The following ADGRG7 variants were observed in gnomAD, a reference collection of about 807,000 sequenced individuals.
The protein encoded by ADGRG7 is G-protein coupled receptor 128.
In ADGRG7, 82 loss-of-function variants were observed where a neutral mutation model predicts 88.6. The ratio of observed to expected loss-of-function variants is 0.93; its 90% CI spans 0.77 to 1.11. The LOEUF is 1.11. Among genes scored for constraint, ADGRG7 ranks in the 50% most tolerant of loss-of-function variants. The probability of loss-of-function intolerance (pLI) is 0.00; values close to 1 mark genes in which losing one functional copy is unlikely to be tolerated. For synonymous variants in ADGRG7, 381 were observed against 345.2 expected (o/e 1.10, Z -1.15); for missense variants, 945 against 953.4 (o/e 0.99, Z 0.12).
At chr3:100,687,880 T>C (rs1249157882) in intron 15 of ADGRG7, among the ~76,000 whole-genome samples, 3 of 152,342 alleles carry the variant, frequency 2.0e-5, no homozygotes, top group East Asian at 3.9e-4. Flanking sequence ...ATCAGGATGA[T>C]GCTGGTCTCA....
intron 11 of ADGRG7, among the ~76,000 whole-genome samples, chr3:100,653,967 AG>A (rs981298280): frequency 9.9e-5 from 15 of 152,246 alleles, no homozygotes; most frequent in Non-Finnish European, 7.4e-5. Flanking sequence ...AAGGGTGAAA[AG>A]GACAGGGTTA....
At chr3:100,657,453 A>G (rs2094939230) in intron 13 of ADGRG7, among the ~76,000 whole-genome samples, 1 of 152,210 alleles carries the variant, frequency 6.6e-6, no homozygotes, top group South Asian at 2.1e-4. Flanking sequence ...ACCCAGTTAC[A>G]GGGTGAATGT....
At chr3:100,627,985 C>G (rs1414405350) in intron 1 of ADGRG7, among the ~76,000 whole-genome samples, 2 of 151,896 alleles carry the variant, frequency 1.3e-5, no homozygotes, top group Admixed American at 1.3e-4. Context: ...AATCTTTTTT[C>G]TCCCTGGATT....
At chr3:100,662,907 A>T (rs933714288) in intron 14 of ADGRG7, among the ~76,000 whole-genome samples, 1 of 152,166 alleles carries the variant, frequency 6.6e-6, no homozygotes, top group African/African-American at 2.4e-5. Context: ...CTTGAAAAGA[A>T]CAATGCAAAA....
chr3:100,695,063 T>A lies in ADGRG7; in HGVS notation c.*62T>A. 5.3e-6 allele frequency: 8 copies of A among 1,517,252 alleles called. No individual in the cohort carries two copies. Among genetic ancestry groups the A allele is most frequent in the Non-Finnish European group, 5.4e-6 (6 of 1,115,606 alleles). 94.0% of individuals were successfully genotyped at this position (1,517,252 alleles called of 1,614,324 possible). The stretch of plus-strand genomic sequence containing the variant: ...CTCGTTTGAGTTTTATCTGTTTCTC[T>A]CCTTTATTTCCCAGTCCTCTCAGAA... On this transcript the variant is annotated 3_prime_UTR_variant, in exon 16 of 16. Coordinates refer to ENST00000273352, the MANE Select transcript of ADGRG7 (RefSeq NM_032787.3).
intron 15 of ADGRG7, among the ~76,000 whole-genome samples, chr3:100,672,531 A>G (rs926535663): frequency 6.6e-6 from 1 of 152,072 alleles, no homozygotes; most frequent in South Asian, 2.1e-4. Flanking sequence ...CTCTTTTCCT[A>G]TTGGATACCC....
rs555217115 is a variant in ADGRG7, at chr3:100,665,339, C to T, written c.1980-3610C>T. ...CATCTGGTGAAATACCCTCAAGCTC[C>T]TCATCCAGTACCACCAGGCGTTTAT... On this transcript the variant is annotated intron_variant, in intron 14 of 15. Coordinates refer to ENST00000273352, the MANE Select transcript of ADGRG7 (RefSeq NM_032787.3). The T allele has an allele frequency of 8.9e-5, 48 of 540,812 alleles. No individual in the cohort carries two copies. The Admixed American group carries it at 9.1e-4, about 10-fold the overall frequency. 33.5% of individuals were successfully genotyped at this position (540,812 alleles called of 1,614,324 possible). A position where few individuals can be genotyped will look rare whatever the true frequency, so the allele number is the denominator to read the frequency against.
At chr3:100,692,737 T>G (rs2149045261) in intron 15 of ADGRG7, among the ~76,000 whole-genome samples, 1 of 152,228 alleles carries the variant, frequency 6.6e-6, no homozygotes, top group South Asian at 2.1e-4. Context: ...GCAATATGTG[T>G]GTTAAAATCA....
intron 13 of ADGRG7, among the ~76,000 whole-genome samples, chr3:100,656,822 A>G (rs2094938382): frequency 6.6e-6 from 1 of 152,166 alleles, no homozygotes; most frequent in African/African-American, 2.4e-5. Context: ...ATCATGCCCA[A>G]CTGTAGGCTG....
At chr3:100,688,380 G>A (rs1050922477) in intron 15 of ADGRG7, among the ~76,000 whole-genome samples, 13 of 152,230 alleles carry the variant, frequency 8.5e-5, no homozygotes, top group Admixed American at 3.9e-4. Flanking sequence ...GTTTCCTTCA[G>A]TTCTGCTCTG....
chr3:100,671,759 C>T (rs2094958920), intron 15 of ADGRG7, among the ~76,000 whole-genome samples: 1 of 152,140 alleles, frequency 6.6e-6, no homozygotes, highest in Admixed American at 6.5e-5. Flanking sequence ...GGTCCAGTTT[C>T]AGTTTTCTGC....
In ADGRG7 at chr3:100,609,781, A is replaced by G; in HGVS notation, c.-76A>G. On this transcript the variant is annotated 5_prime_UTR_variant, in exon 1 of 16. Transcript: ENST00000273352. ...TTTTTCTGTTTTAGAATAGTTTCCG[A>G]TTAAACTTTTTAGCTCAAGAAGAAA... 1 of 1,103,228 alleles carries G rather than the reference A, an allele frequency of 9.1e-7. No individual in the cohort carries two copies. Among genetic ancestry groups the G allele is most frequent in the South Asian group, 1.3e-5 (1 of 78,386 alleles). The allele number at this position is 1,103,228 out of a possible 1,614,324, so 68.3% of individuals were successfully genotyped here.
In ADGRG7 at chr3:100,655,320, C is replaced by A. The variant is rs530638595; in HGVS notation, c.1726+139C>A. On this transcript the variant is annotated intron_variant, in intron 12 of 15. Transcript: ENST00000273352. ...GAAAATATAGTGATTGCTAAGAATA[C>A]GTTCCGTCTAGTAGCTTATATTCCA... 19 of 625,776 alleles carry A rather than the reference C, an allele frequency of 3.0e-5. No homozygotes were observed. The South Asian group carries it at 4.1e-4, about 13-fold the overall frequency. 38.8% of individuals were successfully genotyped at this position (625,776 alleles called of 1,614,324 possible). A position where few individuals can be genotyped will look rare whatever the true frequency, so the allele number is the denominator to read the frequency against.
intron 8 of ADGRG7, among the ~76,000 whole-genome samples, chr3:100,645,431 C>CAGA (rs150447171): frequency 0.023 from 3,539 of 152,318 alleles, 108 homozygotes; most frequent in African/African-American, 0.069. Flanking sequence ...AAAAACTCCA[C>CAGA]AGAAGTGACT....
chr3:100,664,352 G>A (rs1411243810), intron 14 of ADGRG7, among the ~76,000 whole-genome samples: 1 of 152,072 alleles, frequency 6.6e-6, no homozygotes, highest in Non-Finnish European at 1.5e-5. Context: ...TGACGTAAAA[G>A]GAATGAAGCC....
chr3:100,680,814 G>C (rs1426444315), intron 15 of ADGRG7, among the ~76,000 whole-genome samples: 1 of 152,030 alleles, frequency 6.6e-6, no homozygotes, highest in Non-Finnish European at 1.5e-5. Context: ...GCTATGCAAT[G>C]TTCTTATTTT....
chr3:100,674,046 A>C (rs2094961888), intron 15 of ADGRG7, among the ~76,000 whole-genome samples: 1 of 152,008 alleles, frequency 6.6e-6, no homozygotes, highest in Non-Finnish European at 1.5e-5. Flanking sequence ...TCCCCTAAAC[A>C]CTGCTTTAAA....
chr3:100,660,188 G>A (rs984412760), intron 14 of ADGRG7, among the ~76,000 whole-genome samples: 3 of 152,218 alleles, frequency 2.0e-5, no homozygotes, highest in African/African-American at 7.2e-5. Flanking sequence ...TGAGAAGGTT[G>A]TGGGAAAATG....
intron 11 of ADGRG7, among the ~76,000 whole-genome samples, chr3:100,650,621 T>G (rs1470346449): frequency 6.6e-6 from 1 of 152,220 alleles, no homozygotes. Flanking sequence ...TTTTTTTTAG[T>G]GTGACACAAC....
Sources: gnomAD v4.1 joint callset for allele counts (sites outside exome capture counted in the v4.1 genomes callset) on GRCh38, gnomAD v4.1.1 for gene constraint, MANE v1.5 for transcripts, NCBI Gene and HGNC (gene_info 2026-07-23, HGNC 2026-07-21) for gene names.